The following CNBD1 variants were observed in gnomAD, a reference collection of about 807,000 sequenced individuals.
The protein encoded by CNBD1 is cyclic nucleotide binding domain containing 1, also known as cyclic nucleotide-binding domain-containing protein 1.
Under a neutral mutation model 54.4 loss-of-function variants are expected in CNBD1, and 71 were observed. The ratio of observed to expected loss-of-function variants is 1.30; its 90% confidence interval spans 1.08 to 1.59. The LOEUF (loss-of-function observed/expected upper bound fraction) is 1.59. Ranked by LOEUF, CNBD1 falls within the 40% of genes most tolerant of loss-of-function variation. The pLI is 0.00. For synonymous variants in CNBD1, 182 were observed against 170.7 expected, an observed-to-expected ratio of 1.07 and a Z score of -0.51; for missense variants, 659 against 518.0, an observed-to-expected ratio of 1.27 and a Z score of -2.64.
At chr8:86,937,566 A>G (rs998494626) in intron 3 of CNBD1, among the ~76,000 whole-genome samples, 1 of 152,162 alleles carries the variant, frequency 6.6e-6, no homozygotes, top group Admixed American at 6.5e-5. Flanking sequence ...CCAAACCTCA[A>G]TTTTTGACTT....
At chr8:87,380,900 G>T (rs1811059641) in intron 10 of CNBD1, among the ~76,000 whole-genome samples, 1 of 151,940 alleles carries the variant, frequency 6.6e-6, no homozygotes, top group South Asian at 2.1e-4. Flanking sequence ...AACTAAAAAT[G>T]GATTAAAGAC....
At chr8:87,304,617 C>A (rs1029979132) in intron 8 of CNBD1, among the ~76,000 whole-genome samples, 1 of 151,796 alleles carries the variant, frequency 6.6e-6, no homozygotes, top group Non-Finnish European at 1.5e-5. Context: ...GCAAATGTAC[C>A]CTAGAACTTA....
At chr8:87,335,382 G>T (rs1249756205) in intron 8 of CNBD1, among the ~76,000 whole-genome samples, 4 of 152,086 alleles carry the variant, frequency 2.6e-5, no homozygotes, top group Non-Finnish European at 5.9e-5. Context: ...ATGAATCTGG[G>T]TGCTCCTGTA....
intron 6 of CNBD1, among the ~76,000 whole-genome samples, chr8:87,251,012 G>A (rs1422425907): frequency 7.4e-6 from 1 of 135,792 alleles, no homozygotes; most frequent in African/African-American, 2.5e-5. Context: ...AACAATAAAA[G>A]CTTGAGGTGA....
At chr8:87,405,046 C>A (rs1807630101) in intron 2 of CNBD1, among the ~76,000 whole-genome samples, 1 of 151,860 alleles carries the variant, frequency 6.6e-6, no homozygotes, top group South Asian at 2.1e-4. Context: ...TATATCAGTA[C>A]TGAGTTGAAG....
intron 4 of CNBD1, among the ~76,000 whole-genome samples, chr8:87,131,852 A>G (rs1812123977): frequency 6.6e-6 from 1 of 152,020 alleles, no homozygotes. Context: ...TTCATTTGGT[A>G]TCACCTCTCT....
chr8:87,370,110 C>G (rs1364092848), intron 10 of CNBD1, among the ~76,000 whole-genome samples: 1 of 151,850 alleles, frequency 6.6e-6, no homozygotes, highest in African/African-American at 2.4e-5. Context: ...GCCACATTTT[C>G]TTAATCCAGT....
chr8:87,324,904 A>G lies in CNBD1; in HGVS notation c.1043-26781A>G, dbSNP rs370460115. ...TTTTAATTGTGATATTAGGGTGTCAATTTTGGATCTTTCTTGCTTTCTCTT... is the reference window on the plus strand; with the variant it reads ...TTTTAATTGTGATATTAGGGTGTCAGTTTTGGATCTTTCTTGCTTTCTCTT... On this transcript the variant is annotated intron_variant, in intron 8 of 10. Transcript: ENST00000518476. 1.1e-4 allele frequency among the ~76,000 whole-genome samples: 12 copies of G among 108,800 alleles called. 1 individual carries two copies. The highest frequency in any genetic ancestry group is 2.3e-4 in the Non-Finnish European group (12 of 52,752). The allele number at this position is 108,800 out of a possible 152,430, so 71.4% of individuals were successfully genotyped here.
intron 4 of CNBD1, among the ~76,000 whole-genome samples, chr8:86,958,182 T>A (rs1287805807): frequency 1.3e-5 from 2 of 152,250 alleles, no homozygotes; most frequent in Non-Finnish European, 2.9e-5. Context: ...GATTGCATTG[T>A]GGTCTGAGAG....
At chr8:87,080,856 T>C (rs1810976472) in intron 4 of CNBD1, among the ~76,000 whole-genome samples, 1 of 152,154 alleles carries the variant, frequency 6.6e-6, no homozygotes, top group African/African-American at 2.4e-5. Context: ...TCACTTAATA[T>C]TATTTTTAAT....
intron 4 of CNBD1, among the ~76,000 whole-genome samples, chr8:87,174,405 T>G (rs1359570762): frequency 6.6e-6 from 1 of 152,220 alleles, no homozygotes; most frequent in Non-Finnish European, 1.5e-5. Flanking sequence ...TGTTTAACTC[T>G]AAAATTTCTT....
chr8:87,281,258 C>A (rs1468554676), intron 6 of CNBD1, among the ~76,000 whole-genome samples: 1 of 151,104 alleles, frequency 6.6e-6, no homozygotes, highest in Admixed American at 6.6e-5. Context: ...CTAAAATTTA[C>A]AAATGTAATA....
intron 10 of CNBD1, among the ~76,000 whole-genome samples, chr8:87,369,758 G>A (rs1586053760): frequency 6.6e-6 from 1 of 151,532 alleles, no homozygotes; most frequent in African/African-American, 2.4e-5. Context: ...TAAGTTTTAG[G>A]GTACATGTGC....
At chr8:87,033,236 G>C (rs1809833093) in intron 4 of CNBD1, among the ~76,000 whole-genome samples, 1 of 152,100 alleles carries the variant, frequency 6.6e-6, no homozygotes, top group Non-Finnish European at 1.5e-5. Flanking sequence ...TGTGTAATAA[G>C]CCTTAAACGT....
rs1337657365 is a variant in CNBD1, at chr8:87,251,719, G to A, written c.771+14607G>A. 2.0e-5 allele frequency among the ~76,000 whole-genome samples: 3 copies of A among 151,634 alleles called. No individual in the cohort carries two copies. In the South Asian group the frequency reaches 6.2e-4, roughly 32 times the overall value. ...CATGACCATAAATATATTTCATCAC[G>A]CTATTTTTCTAATTGTATTCTTTAG... On this transcript the variant is annotated intron_variant, in intron 6 of 10. Transcript: ENST00000518476.
chr8:87,370,429 T>G (rs1484906792), intron 10 of CNBD1, among the ~76,000 whole-genome samples: 1 of 152,170 alleles, frequency 6.6e-6, no homozygotes, highest in African/African-American at 2.4e-5. Context: ...CTAACTGGTG[T>G]GAGATGGTAT....
intron 8 of CNBD1, among the ~76,000 whole-genome samples, chr8:87,294,826 A>G (rs929241485): frequency 2.0e-5 from 3 of 152,058 alleles, no homozygotes; most frequent in Admixed American, 1.3e-4. Flanking sequence ...TTTACTATGA[A>G]AGGATTTATG....
chr8:87,150,264 G>A (rs1333296481), intron 4 of CNBD1, among the ~76,000 whole-genome samples: 4 of 152,096 alleles, frequency 2.6e-5, no homozygotes, highest in African/African-American at 7.2e-5. Flanking sequence ...GATTTAGAAA[G>A]CCCATATCAT....
rs1814474583 is a variant in CNBD1, at chr8:87,225,890, A to T, written c.578-11029A>T. Among the ~76,000 whole-genome samples, 3 of 148,540 alleles carry T rather than the reference A, an allele frequency of 2.0e-5. No homozygotes were observed. In the South Asian group the frequency reaches 6.3e-4, roughly 31 times the overall value. Reference sequence around the variant, plus strand: ...GGTCCAGGACTCTTTTTGGTTGGTAAGCTATTGATTATTGCCACAATTTCA... The same window carrying T: ...GGTCCAGGACTCTTTTTGGTTGGTATGCTATTGATTATTGCCACAATTTCA... On this transcript the variant is annotated intron_variant, in intron 5 of 10. Coordinates refer to ENST00000518476, the MANE Select transcript of CNBD1 (RefSeq NM_173538.3).
Sources: allele counts gnomAD v4.1 joint callset (sites outside exome capture counted in the v4.1 genomes callset), GRCh38; gene constraint gnomAD v4.1.1; transcripts MANE v1.5; gene names NCBI Gene and HGNC (gene_info 2026-07-23, HGNC 2026-07-21).